HTR4: variants seen among roughly 807,000 people sequenced by gnomAD.
HTR4 encodes 5-hydroxytryptamine receptor 4.
In HTR4, 16 loss-of-function variants were observed where a neutral mutation model predicts 36.8. That is an observed-to-expected ratio of 0.43 (90% CI 0.29 to 0.66). The LOEUF (loss-of-function observed/expected upper bound fraction) is 0.66, where lower values mean the gene tolerates loss of function less well. Among genes scored for constraint, HTR4 ranks in the 30% least tolerant of loss-of-function variants. The pLI is 0.13. For synonymous variants in HTR4, 189 were observed against 185.1 expected (o/e 1.02, Z -0.17); for missense variants, 438 against 490.9 (o/e 0.89, Z 1.02).
intron 5 of HTR4, among the ~76,000 whole-genome samples, chr5:148,454,818 G>A (rs1418913765): frequency 2.0e-5 from 3 of 152,152 alleles, no homozygotes; most frequent in East Asian, 1.9e-4. Context: ...CATGACGGGT[G>A]AGCGCAGGCC....
At position 148,523,410 on chromosome 5, in the gene HTR4, A is replaced by C. The variant is rs1581421688; in HGVS notation, c.354-64T>G. On this transcript the variant is annotated intron_variant, in intron 4 of 6. Transcript: ENST00000377888. ...AGGAGGAATGGGAGGGAGAGAAAAG[A>C]GAATATATGAGAGAGAAAAGGGGAG... 61 of 1,334,962 alleles carry C rather than the reference A, an allele frequency of 4.6e-5. No homozygotes were observed. In the East Asian group the frequency reaches 1.5e-3, roughly 33 times the overall value. 82.7% of individuals were successfully genotyped at this position (1,334,962 alleles called of 1,614,324 possible).
At chr5:148,525,164 T>C (rs900364440) in intron 4 of HTR4, among the ~76,000 whole-genome samples, 1 of 152,172 alleles carries the variant, frequency 6.6e-6, no homozygotes, top group African/African-American at 2.4e-5. Context: ...AACTCAGTCA[T>C]TGAAAGAATC....
In HTR4 at chr5:148,483,070, A is replaced by G. The variant is rs936396197; in HGVS notation, c.*133T>C. On this transcript the variant is annotated 3_prime_UTR_variant, in exon 7 of 7. Transcript: ENST00000377888. ...ATCTCAGAGGAAAAGCCCAGCGAGC[A>G]CCGGGTTCCTGCACTGGCGGACGGA... 1 of 1,490,822 alleles carries G rather than the reference A, an allele frequency of 6.7e-7. No individual in the cohort carries two copies. Among genetic ancestry groups the G allele is most frequent in the Non-Finnish European group, 9.0e-7 (1 of 1,114,982 alleles). 92.3% of individuals were successfully genotyped at this position (1,490,822 alleles called of 1,614,324 possible). A position where few individuals can be genotyped will look rare whatever the true frequency, so the allele number is the denominator to read the frequency against.
At chr5:148,583,557 A>G (rs1761228736) in intron 2 of HTR4, among the ~76,000 whole-genome samples, 1 of 152,124 alleles carries the variant, frequency 6.6e-6, no homozygotes, top group Non-Finnish European at 1.5e-5. Flanking sequence ...ATCTAAAAGC[A>G]GTTATCATAG....
intron 2 of HTR4, among the ~76,000 whole-genome samples, chr5:148,611,433 C>T (rs964182630): frequency 2.8e-5 from 4 of 142,040 alleles, no homozygotes; most frequent in Non-Finnish European, 4.6e-5. Context: ...AACTAAGCTT[C>T]ATAAGTGAAG....
chr5:148,583,057 T>C (rs1278300601), intron 2 of HTR4, among the ~76,000 whole-genome samples: 3 of 151,634 alleles, frequency 2.0e-5, no homozygotes, highest in South Asian at 4.2e-4. Context: ...TTCAGTATGA[T>C]ATTGGCTGTG....
At chr5:148,618,679 C>T (rs770968560) in intron 2 of HTR4, among the ~76,000 whole-genome samples, 19 of 152,338 alleles carry the variant, frequency 1.2e-4, no homozygotes, top group South Asian at 4.1e-4. Flanking sequence ...ACACCTTTAA[C>T]TCATTTGTGC....
Position 148,587,718 on chromosome 5 carries a change from G to A in HTR4, c.27-37456C>T, listed in dbSNP as rs185418637. On this transcript the variant is annotated intron_variant, in intron 2 of 6. Coordinates refer to ENST00000377888, the MANE Select transcript of HTR4 (RefSeq NM_000870.7). ...CAGGGTGTGTGGGGATCCAAACTGT[G>A]GGAGAGAATGGTGTTACTTTGGGGA... Among the ~76,000 whole-genome samples the A allele has an allele frequency of 1.8e-4, 27 of 152,250 alleles. No homozygotes were observed. The East Asian group carries it at 5.2e-3, about 29-fold the overall frequency.
chr5:148,586,626 AC>A (rs1445037801), intron 2 of HTR4, among the ~76,000 whole-genome samples: 1 of 152,064 alleles, frequency 6.6e-6, no homozygotes, highest in Non-Finnish European at 1.5e-5. Flanking sequence ...CCCTCCCTCG[AC>A]ATGTGGGGGT....
At chr5:148,565,448 T>C (rs1014335025) in intron 2 of HTR4, among the ~76,000 whole-genome samples, 1 of 152,008 alleles carries the variant, frequency 6.6e-6, no homozygotes, top group African/African-American at 2.4e-5. Flanking sequence ...CACAATTTAA[T>C]ATAGCAGAGA....
At chr5:148,648,600 T>A (rs1375065998) in intron 1 of HTR4, among the ~76,000 whole-genome samples, 1 of 152,184 alleles carries the variant, frequency 6.6e-6, no homozygotes, top group Non-Finnish European at 1.5e-5. Context: ...TGAAGTCAAA[T>A]CTGAGTTTAA....
intron 2 of HTR4, among the ~76,000 whole-genome samples, chr5:148,577,656 C>T (rs1379977050): frequency 6.6e-6 from 1 of 151,958 alleles, no homozygotes; most frequent in Non-Finnish European, 1.5e-5. Context: ...AATAAGATCA[C>T]GTCTTTTGCA....
At chr5:148,541,933 T>C (rs900766797) in intron 4 of HTR4, among the ~76,000 whole-genome samples, 3 of 152,054 alleles carry the variant, frequency 2.0e-5, no homozygotes, top group Non-Finnish European at 4.4e-5. Context: ...GCTTTGGAGA[T>C]TGCAACTTAG....
chr5:148,552,134 C>T (rs61344480), intron 2 of HTR4, among the ~76,000 whole-genome samples: 38,876 of 152,146 alleles, frequency 0.26, 5,778 homozygotes, highest in Non-Finnish European at 0.34. Flanking sequence ...GTTAAGCTGG[C>T]ACAGAAGACA....
At chr5:148,456,937 G>T (rs1489807936) in intron 5 of HTR4, among the ~76,000 whole-genome samples, 1 of 152,198 alleles carries the variant, frequency 6.6e-6, no homozygotes, top group Non-Finnish European at 1.5e-5. Context: ...TCCCAATTCA[G>T]TGCAGAAATC....
chr5:148,646,900 AAAC>A (rs936040807), intron 1 of HTR4, among the ~76,000 whole-genome samples: 41 of 152,292 alleles, frequency 2.7e-4, no homozygotes, highest in East Asian at 1.2e-3. Flanking sequence ...GTTATCCCAC[AAAC>A]AACAACAACA....
chr5:148,548,876 T>C lies in HTR4; in HGVS notation c.153-8A>G, dbSNP rs373548502. 1 of 1,604,628 alleles carries C rather than the reference T, an allele frequency of 6.2e-7. No homozygotes were observed. Among genetic ancestry groups the C allele is most frequent in the Non-Finnish European group, 8.5e-7 (1 of 1,175,184 alleles). The stretch of plus-strand genomic sequence containing the variant: ...TAATTTGTTTTTATTTTCCTGTGAG[T>C]GAAAAAGTGTAAGAGAGGAGGCAGG... On this transcript the variant is annotated splice_polypyrimidine_tract_variant and splice_region_variant and intron_variant, in intron 3 of 6. Transcript: ENST00000377888.
intron 6 of HTR4, among the ~76,000 whole-genome samples, chr5:148,499,463 C>T (rs980565061): frequency 2.6e-5 from 4 of 152,038 alleles, no homozygotes; most frequent in Non-Finnish European, 4.4e-5. Flanking sequence ...TATTTTGCCC[C>T]CATGGTTGAA....
At chr5:148,571,178 T>A (rs1249578271) in intron 2 of HTR4, among the ~76,000 whole-genome samples, 1 of 152,114 alleles carries the variant, frequency 6.6e-6, no homozygotes, top group Admixed American at 6.6e-5. Context: ...ATCTAGAACA[T>A]AACTCCTTTT....
Sources: gnomAD v4.1 joint callset for allele counts (sites outside exome capture counted in the v4.1 genomes callset) on GRCh38, gnomAD v4.1.1 for gene constraint, MANE v1.5 for transcripts, NCBI Gene and HGNC (gene_info 2026-07-23, HGNC 2026-07-21) for gene names.